CREBBP: variants seen among roughly 807,000 people sequenced by gnomAD.
CREBBP encodes CREB binding lysine acetyltransferase.
In CREBBP, 19 loss-of-function variants were observed where a neutral mutation model predicts 265.0. The ratio of observed to expected loss-of-function variants is 0.07; its 90% confidence interval spans 0.05 to 0.11. The LOEUF is 0.11. Among genes scored for constraint, CREBBP ranks in the 10% least tolerant of loss-of-function variants. CREBBP has a pLI of 1.00. For missense variants in CREBBP, 2,525 were observed against 3,219.0 expected (o/e 0.78, Z 5.22); for synonymous variants, 1,457 against 1,223.7 (o/e 1.19, Z -3.98).
Position 3,782,841 on chromosome 16 carries a change from G to A in CREBBP, c.1416C>T (p.Asn472=), listed in dbSNP as rs2053304462. 3.1e-6 allele frequency: 5 copies of A among 1,614,150 alleles called. No homozygotes were observed. Among genetic ancestry groups the A allele is most frequent in the Non-Finnish European group, 4.2e-6 (5 of 1,180,036 alleles). The part of the protein sequence containing the change: ...TGQQNATSLS[N]PNPIDPSSMQ... ...TGGAGCTGGGGTCTATGGGATTTGG[G>A]TTACTTAAAGAAGTGGCATTCTGTT... The change falls in exon 6 of 31, where the codon AAC becomes AAT. Residue 472 remains asparagine (N), a synonymous_variant. Coordinates refer to ENST00000262367, the MANE Select transcript of CREBBP (RefSeq NM_004380.3).
intron 23 of CREBBP, chr16:3,740,888 G>A (rs767637900): frequency 1.9e-4 from 73 of 376,644 alleles, no homozygotes; most frequent in Middle Eastern, 9.1e-4. Flanking sequence ...GTTGCTTCCC[G>A]CTTTCCCTGG....
chr16:3,745,161 C>G (rs983143680), intron 22 of CREBBP, 116 bp downstream of exon 22: 5 of 1,056,978 alleles, frequency 4.7e-6, no homozygotes, highest in African/African-American at 1.6e-5. Context: ...CAACTGCCAT[C>G]TCTCTTAATC....
chr16:3,850,225 C>T, intron 2 of CREBBP, 72 bp downstream of exon 2: 2 of 1,510,902 alleles, frequency 1.3e-6, no homozygotes, highest in South Asian at 2.3e-5. Flanking sequence ...CACGTGGTCC[C>T]ATTTTACGCA....
At chr16:3,790,444 G>A (rs972788570) in intron 5 of CREBBP, among the ~76,000 whole-genome samples, 3 of 144,274 alleles carry the variant, frequency 2.1e-5, no homozygotes, top group African/African-American at 7.9e-5. Context: ...GCGTGATCTC[G>A]GCTCACCGCA....
At chr16:3,878,191 C>T (rs964629069) in intron 1 of CREBBP, among the ~76,000 whole-genome samples, 2 of 152,238 alleles carry the variant, frequency 1.3e-5, no homozygotes, top group Non-Finnish European at 1.5e-5. Flanking sequence ...AGCTTCAAAG[C>T]TGAACTCGCC....
intron 5 of CREBBP, among the ~76,000 whole-genome samples, chr16:3,785,827 A>G (rs898006867): frequency 1.3e-5 from 2 of 152,188 alleles, no homozygotes; most frequent in African/African-American, 4.8e-5. Context: ...AGGAAGTCAC[A>G]ACACACCTGC....
chr16:3,877,103 C>T (rs1374241994), intron 1 of CREBBP, among the ~76,000 whole-genome samples: 4 of 152,190 alleles, frequency 2.6e-5, no homozygotes, highest in Non-Finnish European at 2.9e-5. Flanking sequence ...CTCCTTTCAA[C>T]CCCTCAGCTC....
chr16:3,736,446 C>A (rs1281684197), intron 27 of CREBBP: 4 of 808,610 alleles, frequency 4.9e-6, no homozygotes, highest in Non-Finnish European at 8.0e-6. Context: ...ACAGCTCCAA[C>A]TGTGCTGCTC....
chr16:3,774,765 A>C, intron 11 of CREBBP, 72 bp from the exon 12 acceptor site: 1 of 1,591,142 alleles, frequency 6.3e-7, no homozygotes, highest in South Asian at 1.1e-5. Flanking sequence ...TTGCTAAATA[A>C]ACTCTTAAGT....
chr16:3,849,423 GTGTGTGTGTGTGTGTGTGTGT>G (rs1567360023), intron 2 of CREBBP, among the ~76,000 whole-genome samples: 104 of 9,836 alleles, frequency 0.011, 3 homozygotes, highest in South Asian at 0.047. Flanking sequence ...GTGTGTGTGT[GTGTGTGTGTGTGTGTGTGTGT>G]GTGTGTGTGT....
At position 3,793,126 on chromosome 16, in the gene CREBBP, CA is replaced by C. The variant is rs2053539247; in HGVS notation, c.1216+259del. 2.6e-5 allele frequency among the ~76,000 whole-genome samples: 4 copies of C among 152,344 alleles called. No homozygotes were observed. The South Asian group carries it at 6.2e-4, about 24-fold the overall frequency. ...CGTGACAGAGGAAGGAGGAAAAGAA[CA>C]AATACGGGGCACAGCTTCAAGCAGC... On this transcript the variant is annotated intron_variant, in intron 4 of 30. Transcript: ENST00000262367.
chr16:3,821,152 T>C (rs1429759965), intron 2 of CREBBP, among the ~76,000 whole-genome samples: 1 of 152,230 alleles, frequency 6.6e-6, no homozygotes. Context: ...TAGGAAGCAT[T>C]TAGATTATCA....
Position 3,781,725 on chromosome 16 carries a change from G to C in CREBBP, c.1574-419C>G, listed in dbSNP as rs28427224. Among the ~76,000 whole-genome samples, 1,467 of 152,002 alleles carry C rather than the reference G, an allele frequency of 9.7e-3. 29 individuals are homozygous for C. The highest frequency in any genetic ancestry group is 0.034 in the African/African-American group (1,391 of 41,474). On this transcript the variant is annotated intron_variant, in intron 6 of 30. Coordinates refer to ENST00000262367, the MANE Select transcript of CREBBP (RefSeq NM_004380.3). Reference sequence around the variant, plus strand: ...AATAAAATCATAGAAATTAAGCTCAGGAAAAAAATATAGAGGTCAATTTGT... The same window carrying C: ...AATAAAATCATAGAAATTAAGCTCACGAAAAAAATATAGAGGTCAATTTGT...
rs2055490115 is a variant in CREBBP at position 3,879,866 on chromosome 16, G to A, written c.51C>T (p.Leu17=). The A allele has an allele frequency of 3.1e-6, 5 of 1,612,524 alleles. No individual in the cohort carries two copies. Among genetic ancestry groups the A allele is most frequent in the South Asian group, 1.1e-5 (1 of 90,726 alleles). Residue 17 remains leucine (L), a synonymous_variant, in exon 1 of 31, where the codon CTC becomes CTT. Coordinates refer to ENST00000262367, the MANE Select transcript of CREBBP (RefSeq NM_004380.3). ...CATTCGCCGAGAAACCGGGCGAGCT[G>A]AGTTTGGCTCTTTTGGGGTTGGGCG... ...DGPPNPKRAK[L]SSPGFSANDS...
intron 3 of CREBBP, among the ~76,000 whole-genome samples, chr16:3,801,993 T>C (rs1275960660): frequency 6.6e-6 from 1 of 152,138 alleles, no homozygotes; most frequent in African/African-American, 2.4e-5. Context: ...TCACTCGGTT[T>C]AGCCACAGGC....
intron 9 of CREBBP, among the ~76,000 whole-genome samples, 191 bp from the exon 10 acceptor site, chr16:3,778,373 T>G (rs2053195419): frequency 6.6e-6 from 1 of 152,200 alleles, no homozygotes; most frequent in South Asian, 2.1e-4. Context: ...TATCAAATAG[T>G]AGGTACTTAA....
Position 3,771,076 on chromosome 16 carries a change from AT to A in CREBBP, c.2464-91del, listed in dbSNP as rs34829024. Reference sequence around the variant, plus strand: ...GAAAAATTAAATGTATGAAAAAAAAATTTTTTTTTTTGAGACAGTTTCACTC... The same window carrying A: ...GAAAAATTAAATGTATGAAAAAAAAATTTTTTTTTTGAGACAGTTTCACTC... On this transcript the variant is annotated intron_variant, in intron 13 of 30. Coordinates refer to ENST00000262367, the MANE Select transcript of CREBBP (RefSeq NM_004380.3). The A allele has an allele frequency of 5.1e-3, 6,375 of 1,261,116 alleles. 2 individuals are homozygous for A. The highest frequency in any genetic ancestry group is 5.9e-3 in the Non-Finnish European group (5,412 of 920,798). The allele number at this position is 1,261,116 out of a possible 1,614,324, so 78.1% of individuals were successfully genotyped here.
chr16:3,807,993 G>A (rs1238758039), intron 3 of CREBBP, among the ~76,000 whole-genome samples: 1 of 152,134 alleles, frequency 6.6e-6, no homozygotes, highest in African/African-American at 2.4e-5. Context: ...GTCCACAGGG[G>A]TTCTTGTGAG....
intron 3 of CREBBP, among the ~76,000 whole-genome samples, chr16:3,804,844 C>G (rs1441640182): frequency 6.6e-6 from 1 of 152,198 alleles, no homozygotes; most frequent in African/African-American, 2.4e-5. Flanking sequence ...TATGCTTCCA[C>G]CTAGGAGGTT....
Sources: gnomAD v4.1 joint callset for allele counts (sites outside exome capture counted in the v4.1 genomes callset) on GRCh38, gnomAD v4.1.1 for gene constraint, MANE v1.5 for transcripts, NCBI Gene and HGNC (gene_info 2026-07-23, HGNC 2026-07-21) for gene names.